The following RAPGEF2 variants were observed in gnomAD, a reference collection of about 807,000 sequenced individuals.
RAPGEF2 encodes PDZ domain containing guanine nucleotide exchange factor (GEF) 1.
A neutral mutation model predicts 186.7 loss-of-function variants in RAPGEF2; 54 were observed. That is an observed-to-expected ratio of 0.29 (90% CI 0.23 to 0.36). The LOEUF is 0.36. Among genes scored for constraint, RAPGEF2 ranks in the 10% least tolerant of loss-of-function variants. RAPGEF2 has a pLI of 1.00. For synonymous variants in RAPGEF2, 712 were observed against 705.9 expected (o/e 1.01, Z -0.14); for missense variants, 1,532 against 2,045.0 (o/e 0.75, Z 4.84).
At chr4:159,135,517 A>G (rs1056638341) in intron 1 of RAPGEF2, among the ~76,000 whole-genome samples, 1 of 152,234 alleles carries the variant, frequency 6.6e-6, no homozygotes, top group African/African-American at 2.4e-5. Flanking sequence ...AATCATTAAC[A>G]GTGAAAACCT....
In RAPGEF2 at chr4:159,341,653, T is replaced by C; in HGVS notation, c.2624T>C (p.Leu875Pro). 2 of 1,614,030 alleles carry C rather than the reference T, an allele frequency of 1.2e-6. No homozygotes were observed. Among genetic ancestry groups the C allele is most frequent in the Non-Finnish European group, 1.7e-6 (2 of 1,179,922 alleles). ...ELLRESQISL[L>P]QLSTVEVATQ... ...TTGAGAGAGAGTCAAATTTCCCTCC[T>C]TCAGCTCAGCACTGTGGAAGTTGCA... The change falls in exon 20 of 30, where the codon CTT becomes CCT. Residue 875 changes from leucine to proline, a missense_variant. Leu to Pro is a moderately conservative substitution (Grantham distance 98). Transcript: ENST00000691494.
At chr4:159,219,934 G>A (rs1751376045) in intron 4 of RAPGEF2, among the ~76,000 whole-genome samples, 2 of 152,292 alleles carry the variant, frequency 1.3e-5, no homozygotes, top group Admixed American at 6.5e-5. Context: ...AGAATGTGGT[G>A]CTGAACTAAA....
chr4:159,347,739 G>C (rs1259182926), intron 25 of RAPGEF2, among the ~76,000 whole-genome samples: 1 of 152,222 alleles, frequency 6.6e-6, no homozygotes, highest in Non-Finnish European at 1.5e-5. Flanking sequence ...AGCCTAGATC[G>C]CACCGCTGCA....
chr4:159,159,671 C>T (rs1055617909), intron 1 of RAPGEF2, among the ~76,000 whole-genome samples: 1 of 152,270 alleles, frequency 6.6e-6, no homozygotes, highest in African/African-American at 2.4e-5. Flanking sequence ...ACACATATTA[C>T]AGCAAATTAA....
intron 4 of RAPGEF2, chr4:159,229,370 C>G (rs2111430839): frequency 6.6e-6 from 1 of 152,304 alleles, no homozygotes; most frequent in African/African-American, 2.4e-5. Flanking sequence ...CTTCTATGCT[C>G]TGTGACTGCC....
chr4:159,206,325 CGTT>C (rs1258427726), intron 3 of RAPGEF2, among the ~76,000 whole-genome samples: 2 of 152,118 alleles, frequency 1.3e-5, no homozygotes, highest in Non-Finnish European at 2.9e-5. Flanking sequence ...AAAGCAGAAT[CGTT>C]GTGGTGCTGG....
intron 7 of RAPGEF2, among the ~76,000 whole-genome samples, chr4:159,253,795 C>T (rs191038536): frequency 1.6e-3 from 242 of 152,098 alleles, no homozygotes; most frequent in Middle Eastern, 6.8e-3. Flanking sequence ...GGTGAAACCC[C>T]GTCTCTGCTA....
At chr4:159,104,513 A>AGG (rs1737593559) in intron 1 of RAPGEF2, among the ~76,000 whole-genome samples, 1 of 129,880 alleles carries the variant, frequency 7.7e-6, no homozygotes, top group African/African-American at 3.4e-5. Context: ...AGAGAGAGAG[A>AGG]GAGAGAGAGA....
intron 1 of RAPGEF2, among the ~76,000 whole-genome samples, chr4:159,118,517 G>A (rs1560979988): frequency 1.4e-5 from 2 of 139,250 alleles, no homozygotes; most frequent in South Asian, 2.6e-4. Flanking sequence ...GAAAAAGGTT[G>A]TCTTCCATGA....
chr4:159,221,070 G>A (rs77044642), intron 4 of RAPGEF2, among the ~76,000 whole-genome samples: 2 of 152,144 alleles, frequency 1.3e-5, no homozygotes, highest in African/African-American at 4.8e-5. Flanking sequence ...CAGGGATGTA[G>A]AAGAGGAAAA....
At chr4:159,139,797 C>T (rs921137580) in intron 1 of RAPGEF2, among the ~76,000 whole-genome samples, 11 of 152,122 alleles carry the variant, frequency 7.2e-5, no homozygotes, top group African/African-American at 2.4e-4. Flanking sequence ...CTTTTGCATC[C>T]TGTTTATTAA....
intron 17 of RAPGEF2, among the ~76,000 whole-genome samples, chr4:159,336,231 A>G (rs1458747414): frequency 6.6e-6 from 1 of 151,692 alleles, no homozygotes; most frequent in African/African-American, 2.4e-5. Context: ...TGAATTATAT[A>G]GTGGTGGTGA....
intron 4 of RAPGEF2, among the ~76,000 whole-genome samples, chr4:159,230,213 C>T (rs1752483857): frequency 6.6e-6 from 1 of 152,184 alleles, no homozygotes; most frequent in South Asian, 2.1e-4. Context: ...TGGCCTCTAA[C>T]TAGACACCTC....
chr4:159,214,972 T>G (rs534532879), intron 4 of RAPGEF2, among the ~76,000 whole-genome samples: 41 of 152,266 alleles, frequency 2.7e-4, no homozygotes, highest in African/African-American at 9.4e-4. Context: ...AAGCAATTAT[T>G]GTGCCTCGGC....
chr4:159,350,331 T>C (rs755718407), intron 26 of RAPGEF2, 42 bp downstream of exon 26: 1 of 1,440,200 alleles, frequency 6.9e-7, no homozygotes, highest in Non-Finnish European at 9.3e-7. Context: ...TTGAAACCTA[T>C]ACATTTTGGC....
chr4:159,200,118 G>A (rs1749248236), intron 3 of RAPGEF2, among the ~76,000 whole-genome samples: 1 of 151,574 alleles, frequency 6.6e-6, no homozygotes. Context: ...TTATTGAATA[G>A]CTTCATAACT....
At chr4:159,217,509 A>G (rs1420077693) in intron 4 of RAPGEF2, among the ~76,000 whole-genome samples, 2 of 152,196 alleles carry the variant, frequency 1.3e-5, no homozygotes, top group South Asian at 2.1e-4. Flanking sequence ...TAAGGCTAGT[A>G]GCATTCCATG....
intron 7 of RAPGEF2, among the ~76,000 whole-genome samples, chr4:159,273,799 T>A (rs1399164995): frequency 2.0e-5 from 3 of 152,050 alleles, no homozygotes; most frequent in African/African-American, 7.2e-5. Flanking sequence ...GACATTTCTT[T>A]CTCTTTTTTT....
At chr4:159,161,236 G>C (rs185769139) in intron 1 of RAPGEF2, among the ~76,000 whole-genome samples, 1 of 152,146 alleles carries the variant, frequency 6.6e-6, no homozygotes, top group African/African-American at 2.4e-5. Flanking sequence ...ATTGAACTTC[G>C]TAATAATATT....
Sources: allele counts gnomAD v4.1 joint callset (sites outside exome capture counted in the v4.1 genomes callset), GRCh38; gene constraint gnomAD v4.1.1; transcripts MANE v1.5; gene names NCBI Gene and HGNC (gene_info 2026-07-23, HGNC 2026-07-21).